Variants in MEGF11 observed in about 807,000 individuals in gnomAD.
MEGF11 encodes multiple EGF like domains 11.
A neutral mutation model predicts 146.6 loss-of-function variants in MEGF11; 126 were observed. The observed-to-expected ratio is 0.86, with a 90% CI of 0.74 to 1.00. The LOEUF (loss-of-function observed/expected upper bound fraction) is 1.00, where lower values mean the gene tolerates loss of function less well. MEGF11 is among the 50% of genes least tolerant of loss of function. The pLI, the probability that MEGF11 is intolerant of heterozygous loss-of-function variation, is 0.00. For synonymous variants in MEGF11, 532 were observed against 583.4 expected (o/e 0.91, Z 1.27); for missense variants, 1,509 against 1,521.2 (o/e 0.99, Z 0.13).
intron 1 of MEGF11, 49 bp from the exon 2 acceptor site, chr15:66,128,460 T>C: frequency 8.8e-7 from 1 of 1,134,740 alleles, no homozygotes; most frequent in Non-Finnish European, 1.2e-6. Context: ...ACCATGTTCC[T>C]GGCAACTACT....
At chr15:65,898,371 G>A (rs1177831973) in intron 25 of MEGF11, 1 of 985,304 alleles carries the variant, frequency 1.0e-6, no homozygotes, top group East Asian at 1.1e-4. Context: ...GGAGAAGGTA[G>A]AAGGTGATTT....
In MEGF11 at chr15:65,895,687, TCTC is replaced by T. The variant is rs1285244581; in HGVS notation, c.*2244_*2246del. 2 of 152,654 alleles carry T rather than the reference TCTC, an allele frequency of 1.3e-5. No homozygotes were observed. The highest frequency in any genetic ancestry group is 2.9e-5 in the Non-Finnish European group (2 of 68,042). The allele number at this position is 152,654 out of a possible 1,614,324, so 9.5% of individuals were successfully genotyped here. A position where few individuals can be genotyped will look rare whatever the true frequency, so the allele number is the denominator to read the frequency against. ...ATAATCACACCCTCTGCCTTTCCCTTCTCCTCTGTATTGCCTGGTTTGACTTGT... is the reference window on the plus strand; with the variant it reads ...ATAATCACACCCTCTGCCTTTCCCTTCTCTGTATTGCCTGGTTTGACTTGT... On this transcript the variant is annotated 3_prime_UTR_variant, in exon 26 of 26. Coordinates refer to ENST00000395614, the MANE Select transcript of MEGF11 (RefSeq NM_001385028.1).
chr15:66,216,523 C>T (rs76528300), intron 1 of MEGF11, among the ~76,000 whole-genome samples: 2,165 of 152,266 alleles, frequency 0.014, 41 homozygotes, highest in East Asian at 0.092. Context: ...AGACAAGATG[C>T]TTCCTGCCTT....
chr15:65,908,674 C>T (rs1259706755), intron 23 of MEGF11, among the ~76,000 whole-genome samples: 5 of 152,262 alleles, frequency 3.3e-5, no homozygotes, highest in Non-Finnish European at 7.3e-5. Flanking sequence ...CTGTTATCCA[C>T]TCCAACAGGG....
chr15:66,070,722 C>T (rs1597051865), intron 5 of MEGF11, among the ~76,000 whole-genome samples: 1 of 152,270 alleles, frequency 6.6e-6, no homozygotes, highest in Middle Eastern at 3.4e-3. Flanking sequence ...GACTATATCA[C>T]CTCTCAGTCT....
intron 1 of MEGF11, among the ~76,000 whole-genome samples, chr15:66,211,154 G>A (rs1252199485): frequency 6.6e-6 from 1 of 152,148 alleles, no homozygotes; most frequent in Non-Finnish European, 1.5e-5. Flanking sequence ...TTCCCCTGGA[G>A]GTATCACATA....
chr15:66,196,734 CTGTAGG>C (rs2091018867), intron 1 of MEGF11, among the ~76,000 whole-genome samples: 1 of 152,150 alleles, frequency 6.6e-6, no homozygotes, highest in African/African-American at 2.4e-5. Flanking sequence ...CCTGTGGCAA[CTGTAGG>C]TGTATCATGG....
chr15:65,919,654 A>G (rs911599476), intron 15 of MEGF11, among the ~76,000 whole-genome samples: 6 of 152,046 alleles, frequency 3.9e-5, no homozygotes, highest in African/African-American at 9.7e-5. Flanking sequence ...GTTTCGAGAC[A>G]GAGTCTCGCT....
chr15:66,211,325 CA>C (rs767486228), intron 1 of MEGF11, among the ~76,000 whole-genome samples: 4 of 152,078 alleles, frequency 2.6e-5, no homozygotes, highest in Admixed American at 6.5e-5. Context: ...AGATCGAGAC[CA>C]TCTTGGCTAA....
intron 1 of MEGF11, among the ~76,000 whole-genome samples, chr15:66,161,954 C>T (rs1413760284): frequency 6.6e-6 from 1 of 152,158 alleles, no homozygotes; most frequent in Non-Finnish European, 1.5e-5. Context: ...CATATACACG[C>T]GGAACTGAAA....
chr15:66,001,033 C>A (rs1428219494), intron 5 of MEGF11, among the ~76,000 whole-genome samples: 1 of 152,134 alleles, frequency 6.6e-6, no homozygotes, highest in African/African-American at 2.4e-5. Flanking sequence ...GGGCAGGATA[C>A]TCTGGTTGGA....
At chr15:66,113,948 A>G (rs1321769786) in intron 4 of MEGF11, among the ~76,000 whole-genome samples, 1 of 152,004 alleles carries the variant, frequency 6.6e-6, no homozygotes, top group African/African-American at 2.4e-5. Context: ...CATCAGGATC[A>G]CCTGGGAACT....
In MEGF11 at chr15:65,916,153, TCA is replaced by T; in HGVS notation, c.2337_2338del (p.Cys779Ter). ...CAGGGGTCAGGGCAGCTTACTCTGC[TCA>T]CAGTGTTGCCCGGTGAAGCCTGTGC... On this transcript the variant is annotated stop_gained and frameshift_variant, in exon 18 of 26. Transcript: ENST00000395614. LOFTEE classifies it high-confidence loss of function. 1 of 1,590,132 alleles carries T rather than the reference TCA, an allele frequency of 6.3e-7. No homozygotes were observed. The highest frequency in any genetic ancestry group is 1.1e-5 in the South Asian group (1 of 87,002).
chr15:65,997,006 C>T lies in MEGF11; in HGVS notation c.395-14518G>A, dbSNP rs144659644. Among the ~76,000 whole-genome samples the T allele has an allele frequency of 6.5e-4, 99 of 152,292 alleles. 1 individual carries two copies. The highest frequency in any genetic ancestry group is 2.1e-3 in the African/African-American group (89 of 41,566). On this transcript the variant is annotated intron_variant, in intron 5 of 25. Transcript: ENST00000395614. ...GGGCCCCACCTATCGGTGGGAAGCACGTCGCTTTGGGATTGGGGACTTCCT... is the reference window on the plus strand; with the variant it reads ...GGGCCCCACCTATCGGTGGGAAGCATGTCGCTTTGGGATTGGGGACTTCCT...
At chr15:66,199,980 A>G (rs1401743277) in intron 1 of MEGF11, among the ~76,000 whole-genome samples, 2 of 152,264 alleles carry the variant, frequency 1.3e-5, no homozygotes, top group Non-Finnish European at 2.9e-5. Context: ...AGCCAATTAC[A>G]ACCTTATAAT....
At chr15:66,127,485 C>G (rs142096954) in intron 2 of MEGF11, among the ~76,000 whole-genome samples, 1 of 152,202 alleles carries the variant, frequency 6.6e-6, no homozygotes, top group Non-Finnish European at 1.5e-5. Flanking sequence ...CACGGACCCC[C>G]GCTCCGAGTC....
intron 5 of MEGF11, among the ~76,000 whole-genome samples, chr15:65,998,427 A>T (rs908402604): frequency 6.6e-6 from 1 of 152,192 alleles, no homozygotes; most frequent in Admixed American, 6.5e-5. Flanking sequence ...GGGGCAGCTC[A>T]GTGCATCCAG....
chr15:66,080,652 G>A (rs540352030), intron 5 of MEGF11, among the ~76,000 whole-genome samples: 1 of 152,242 alleles, frequency 6.6e-6, no homozygotes, highest in Non-Finnish European at 1.5e-5. Context: ...ATACTGAGTC[G>A]ATGAGGCCAG....
chr15:66,023,905 G>A lies in MEGF11; in HGVS notation c.395-41417C>T, dbSNP rs573652662. ...ATGGGGTTGGGGATGGTGAGGGTCG[G>A]TCTGAAGGCTGCAGGGGGAGGGGAG... On this transcript the variant is annotated intron_variant, in intron 5 of 25. Transcript: ENST00000395614. Among the ~76,000 whole-genome samples the A allele has an allele frequency of 9.2e-5, 14 of 152,340 alleles. No homozygotes were observed. In the East Asian group the frequency reaches 2.7e-3, roughly 29 times the overall value.
Sources: gnomAD v4.1 joint callset for allele counts (sites outside exome capture counted in the v4.1 genomes callset) on GRCh38, gnomAD v4.1.1 for gene constraint, MANE v1.5 for transcripts, NCBI Gene and HGNC (gene_info 2026-07-23, HGNC 2026-07-21) for gene names.